The following CALN1 variants were observed in gnomAD, a reference collection of about 807,000 sequenced individuals.
CALN1 encodes the protein calcium-binding protein 8.
In CALN1, 17 loss-of-function variants were observed where a neutral mutation model predicts 30.6. That is an observed-to-expected ratio of 0.56 (90% CI 0.38 to 0.83). The LOEUF is 0.83. CALN1 is among the 40% of genes least tolerant of loss of function. The pLI is 0.00. For missense variants in CALN1, 291 were observed against 354.9 expected (o/e 0.82, Z 1.45); for synonymous variants, 156 against 131.4 (o/e 1.19, Z -1.28).
At chr7:72,503,482 C>G in the CALN1 span, among the ~76,000 whole-genome samples, 2 of 152,182 alleles carry the variant, frequency 1.3e-5, no homozygotes, top group African/African-American at 4.8e-5. Flanking sequence ...CTTGCACTTT[C>G]AGAAATACCT....
chr7:72,304,219 T>G (rs1446356040), intron 2 of CALN1, among the ~76,000 whole-genome samples: 3 of 152,140 alleles, frequency 2.0e-5, no homozygotes, highest in Admixed American at 2.0e-4. Flanking sequence ...TCAATTCAGA[T>G]TGGAAAAATA....
intron 5 of CALN1, among the ~76,000 whole-genome samples, chr7:71,906,200 C>T (rs904354090): frequency 1.3e-5 from 2 of 152,132 alleles, no homozygotes; most frequent in Non-Finnish European, 2.9e-5. Context: ...GTGCTTGGTG[C>T]CATCTTTCTG....
chr7:72,122,883 T>C (rs556847286), intron 3 of CALN1, among the ~76,000 whole-genome samples: 2 of 152,258 alleles, frequency 1.3e-5, no homozygotes, highest in East Asian at 1.9e-4. Flanking sequence ...CAACAAGACA[T>C]CTAAGCAGTA....
chr7:72,227,375 A>G lies in CALN1; in HGVS notation c.244+51311T>C, dbSNP rs539302073. ...GCCAACATGGCAAAACCCTGTCTCT[A>G]TTAAAAATACAAAAATTAGCTGGGA... On this transcript the variant is annotated intron_variant, in intron 3 of 6. Transcript: ENST00000395275. 2.0e-5 allele frequency among the ~76,000 whole-genome samples: 3 copies of G among 152,136 alleles called. No homozygotes were observed. The East Asian group carries it at 5.8e-4, about 29-fold the overall frequency.
At chr7:72,046,636 G>A (rs1164943511) in intron 4 of CALN1, among the ~76,000 whole-genome samples, 1 of 146,882 alleles carries the variant, frequency 6.8e-6, no homozygotes, top group African/African-American at 2.5e-5. Flanking sequence ...CTTGAACCCA[G>A]GAGGCAGAGG....
rs397729652 is a variant in CALN1 at position 72,177,752 on chromosome 7, G to GGA, written c.245-71459_245-71458insTC. ...TTCACTCCAGCCTGGGCGACAGAGG[G>GGA]AAAAAAAAAAAAAAAAAAGGACATT... is the stretch of plus-strand genomic sequence containing the variant. On this transcript the variant is annotated intron_variant, in intron 3 of 6. Coordinates refer to ENST00000395275, the MANE Select transcript of CALN1 (RefSeq NM_031468.4). Among the ~76,000 whole-genome samples, 1,214 of 132,140 alleles carry GGA rather than the reference G, an allele frequency of 9.2e-3. 25 individuals carry two copies. Among genetic ancestry groups the GGA allele is most frequent in the African/African-American group, 0.026 (950 of 36,624 alleles). 86.7% of individuals were successfully genotyped at this position (132,140 alleles called of 152,430 possible). A position where few individuals can be genotyped will look rare whatever the true frequency, so the allele number is the denominator to read the frequency against.
chr7:72,140,977 T>C (rs1161893850), intron 3 of CALN1, among the ~76,000 whole-genome samples: 1 of 152,130 alleles, frequency 6.6e-6, no homozygotes, highest in Non-Finnish European at 1.5e-5. Flanking sequence ...AAACAAAAGG[T>C]AGAAGATACT....
chr7:72,054,234 C>T (rs1177681615), intron 4 of CALN1, among the ~76,000 whole-genome samples: 3 of 151,730 alleles, frequency 2.0e-5, no homozygotes, highest in Non-Finnish European at 4.4e-5. Flanking sequence ...TTTTCCGTAG[C>T]GGCTGTACTA....
chr7:71,811,926 G>A lies in CALN1; in HGVS notation c.502-1434C>T, dbSNP rs1470498415. ...ACTCCTGACCTCAGGTGATCCACCC[G>A]CCTCGGCCTCCCAAAGTGCTGGGAT... On this transcript the variant is annotated intron_variant, in intron 5 of 6. Transcript: ENST00000395275. Among the ~76,000 whole-genome samples the A allele has an allele frequency of 4.6e-5, 7 of 151,296 alleles. No homozygotes were observed. The East Asian group carries it at 9.9e-4, about 21-fold the overall frequency.
chr7:71,970,958 C>A (rs1270007136), intron 5 of CALN1, among the ~76,000 whole-genome samples: 1 of 152,148 alleles, frequency 6.6e-6, no homozygotes, highest in African/African-American at 2.4e-5. Context: ...CAGGTTCACT[C>A]GGCATTCCCA....
rs1792976684 is a variant in CALN1 at position 71,786,261 on chromosome 7, G to C, written c.*1514C>G. The C allele has an allele frequency of 3.9e-5, 6 of 152,138 alleles. No homozygotes were observed. The highest frequency in any genetic ancestry group is 3.9e-4 in the Admixed American group (6 of 15,278). 9.4% of individuals were successfully genotyped at this position (152,138 alleles called of 1,614,324 possible). On this transcript the variant is annotated 3_prime_UTR_variant, in exon 7 of 7. Coordinates refer to ENST00000395275, the MANE Select transcript of CALN1 (RefSeq NM_031468.4). ...TCTGGTGGCTCGCTACTGGAAGGGG[G>C]GAAGCATGTAGTTTTAGGATGTAAT...
intron 5 of CALN1, among the ~76,000 whole-genome samples, chr7:71,858,986 A>G (rs2116646073): frequency 6.6e-6 from 1 of 152,272 alleles, no homozygotes; most frequent in East Asian, 1.9e-4. Flanking sequence ...CACAGATGTA[A>G]ACTGAACAAG....
chr7:71,820,030 A>G (rs767269595), intron 5 of CALN1, among the ~76,000 whole-genome samples: 16 of 152,336 alleles, frequency 1.1e-4, no homozygotes, highest in Middle Eastern at 3.4e-3. Context: ...CCCAAATATT[A>G]AAGTTAATTA....
chr7:72,332,145 G>T (rs575555345), intron 2 of CALN1, among the ~76,000 whole-genome samples: 37 of 152,154 alleles, frequency 2.4e-4, no homozygotes, highest in African/African-American at 8.4e-4. Context: ...ATTGTCAATG[G>T]GAGACAGCAA....
At chr7:72,140,752 G>C (rs1809869245) in intron 3 of CALN1, among the ~76,000 whole-genome samples, 1 of 152,242 alleles carries the variant, frequency 6.6e-6, no homozygotes, top group South Asian at 2.1e-4. Flanking sequence ...AACCAAATGA[G>C]TGTTCAAGAC....
chr7:71,884,769 G>A (rs1000941829), intron 5 of CALN1, among the ~76,000 whole-genome samples: 24 of 152,190 alleles, frequency 1.6e-4, no homozygotes, highest in Middle Eastern at 3.4e-3. Flanking sequence ...ATTTTACCCC[G>A]AAACCTGTTT....
At position 71,800,310 on chromosome 7, in the gene CALN1, T is replaced by C. The variant is rs114165698; in HGVS notation, c.658+10026A>G. Among the ~76,000 whole-genome samples the C allele has an allele frequency of 5.3e-3, 800 of 152,276 alleles. 4 individuals carry two copies. Among genetic ancestry groups the C allele is most frequent in the African/African-American group, 0.017 (722 of 41,566 alleles). ...AACATTCCCAGGGTCACACAGCTAGTTGGCACAGAATCCACACCTCTTCCC... is the reference window on the plus strand; with the variant it reads ...AACATTCCCAGGGTCACACAGCTAGCTGGCACAGAATCCACACCTCTTCCC... On this transcript the variant is annotated intron_variant, in intron 6 of 6. Coordinates refer to ENST00000395275, the MANE Select transcript of CALN1 (RefSeq NM_031468.4).
chr7:71,852,680 G>A (rs1419908221), intron 5 of CALN1, among the ~76,000 whole-genome samples: 1 of 152,142 alleles, frequency 6.6e-6, no homozygotes, highest in African/African-American at 2.4e-5. Context: ...TCTCAGTCAT[G>A]TCTGAGAATC....
intron 5 of CALN1, among the ~76,000 whole-genome samples, chr7:71,846,901 AAT>A (rs558997850): frequency 6.8e-6 from 1 of 146,744 alleles, no homozygotes; most frequent in East Asian, 2.0e-4. Flanking sequence ...ATGTATATAT[AAT>A]ATATACATAC....
Sources: gnomAD v4.1 joint callset for allele counts (sites outside exome capture counted in the v4.1 genomes callset) on GRCh38, gnomAD v4.1.1 for gene constraint, MANE v1.5 for transcripts, NCBI Gene and HGNC (gene_info 2026-07-23, HGNC 2026-07-21) for gene names.